The following TRIM5 variants were observed in gnomAD, a reference collection of about 807,000 sequenced individuals.
The protein encoded by TRIM5 is tripartite motif containing 5, also known as tripartite motif-containing protein 5.
Under a neutral mutation model 35.6 loss-of-function variants are expected in TRIM5, and 31 were observed. That is an observed-to-expected ratio of 0.87 (90% CI 0.65 to 1.18). The LOEUF (loss-of-function observed/expected upper bound fraction) is 1.18. Among genes scored for constraint, TRIM5 ranks in the 50% most tolerant of loss-of-function variants. The pLI, the probability that TRIM5 is intolerant of heterozygous loss-of-function variation, is 0.00. For missense variants in TRIM5, 609 were observed against 591.6 expected (o/e 1.03, Z -0.31); for synonymous variants, 243 against 215.6 (o/e 1.13, Z -1.11).
chr11:5,601,963 C>T, the TRIM5 span, among the ~76,000 whole-genome samples: 2 of 152,072 alleles, frequency 1.3e-5, no homozygotes, highest in African/African-American at 4.8e-5. Flanking sequence ...GGAAAGGTCA[C>T]AGATGATCAC....
At position 5,667,689 on chromosome 11, in the gene TRIM5, C is replaced by A. The variant is rs1436059792; in HGVS notation, c.767G>T (p.Arg256Met). 6.2e-7 allele frequency: 1 copy of A among 1,613,628 alleles called. No homozygotes were observed. Among genetic ancestry groups the A allele is most frequent in the Admixed American group, 1.7e-5 (1 of 59,928 alleles). Residue 256 changes from arginine to methionine, a missense_variant and splice_region_variant, in exon 5 of 8, where the codon AGG becomes ATG. Coordinates refer to ENST00000380034, the MANE Select transcript of TRIM5 (RefSeq NM_033034.3). ...LLQGVDGVIK[R>M]TENVTLKKPE... ...ACCATCTCTGTCCTCCCACACATAC[C>A]TTTTTATGACGCCATCCACACCCTA...
intron 3 of TRIM5, 97 bp downstream of exon 3, chr11:5,678,977 G>T: frequency 9.9e-7 from 1 of 1,010,488 alleles, no homozygotes; most frequent in Non-Finnish European, 1.5e-6. Context: ...ATGACTTCTG[G>T]ACTTATCAAA....
At chr11:5,650,308 G>A in the TRIM5 span, among the ~76,000 whole-genome samples, 12 of 152,128 alleles carry the variant, frequency 7.9e-5, no homozygotes, top group African/African-American at 1.7e-4. Flanking sequence ...TATAACATAC[G>A]TCTGGCTATT....
the TRIM5 span, among the ~76,000 whole-genome samples, chr11:5,651,016 G>C: frequency 3.5e-4 from 54 of 152,240 alleles, no homozygotes; most frequent in Middle Eastern, 3.4e-3. Context: ...TCTTATTCCA[G>C]CTTCCACTCA....
chr11:5,602,335 C>T, the TRIM5 span, among the ~76,000 whole-genome samples: 5 of 151,998 alleles, frequency 3.3e-5, no homozygotes, highest in East Asian at 1.9e-4. Context: ...CCCAGCTACT[C>T]GGGAGGCTGA....
chr11:5,639,295 C>A, the TRIM5 span, among the ~76,000 whole-genome samples: 2 of 152,056 alleles, frequency 1.3e-5, no homozygotes, highest in Non-Finnish European at 2.9e-5. Context: ...GGAAACCTGA[C>A]CTGCCACAGT....
At chr11:5,658,478 G>A (rs1850705187), downstream of TRIM5, among the ~76,000 whole-genome samples, 2 of 152,174 alleles carry the variant, frequency 1.3e-5, no homozygotes, top group Non-Finnish European at 2.9e-5. Flanking sequence ...AAAGCCCTCT[G>A]TCCTTGCAAT....
chr11:5,668,935 G>A (rs895964533), intron 4 of TRIM5, among the ~76,000 whole-genome samples: 1 of 151,990 alleles, frequency 6.6e-6, no homozygotes, highest in Non-Finnish European at 1.5e-5. Context: ...CAACAACTAA[G>A]AATTTTTATT....
chr11:5,602,429 C>A, the TRIM5 span, among the ~76,000 whole-genome samples: 3 of 150,488 alleles, frequency 2.0e-5, no homozygotes, highest in East Asian at 5.9e-4. Flanking sequence ...GGCGACAGAG[C>A]AAGACCCCCT....
chr11:5,642,485 A>G, the TRIM5 span: 1 of 1,614,022 alleles, frequency 6.2e-7, no homozygotes, highest in Non-Finnish European at 8.5e-7. Flanking sequence ...AGATCTGAGT[A>G]GGATGCTGCA....
At chr11:5,684,344 A>G (rs1231559401) in intron 1 of TRIM5, among the ~76,000 whole-genome samples, 1 of 152,166 alleles carries the variant, frequency 6.6e-6, no homozygotes, top group East Asian at 1.9e-4. Context: ...CTCCACTCCT[A>G]GCAAGAAATA....
chr11:5,633,814 A>C, the TRIM5 span: 1 of 1,613,900 alleles, frequency 6.2e-7, no homozygotes, highest in Non-Finnish European at 8.5e-7. Flanking sequence ...GAGAAACTCC[A>C]GGCAGTCCTC....
the TRIM5 span, chr11:5,611,119 A>G: frequency 1.2e-6 from 2 of 1,614,188 alleles, no homozygotes; most frequent in Admixed American, 1.7e-5. Context: ...TATAGGGCCT[A>G]TGAGGATTCT....
chr11:5,650,803 C>T, the TRIM5 span, among the ~76,000 whole-genome samples: 1 of 152,172 alleles, frequency 6.6e-6, no homozygotes, highest in Non-Finnish European at 1.5e-5. Flanking sequence ...TCAGTCTCCA[C>T]CAAGGCTCAA....
the TRIM5 span, chr11:5,611,032 C>T: frequency 8.4e-5 from 135 of 1,614,074 alleles, no homozygotes; most frequent in Non-Finnish European, 1.1e-4. Context: ...AACCATTTTG[C>T]TCAAAATCAC....
chr11:5,643,357 G>A, the TRIM5 span: 11 of 1,613,800 alleles, frequency 6.8e-6, no homozygotes, highest in African/African-American at 6.7e-5. Flanking sequence ...ACATATTCCC[G>A]CCATATGAAG....
At chr11:5,647,868 T>C in the TRIM5 span, among the ~76,000 whole-genome samples, 27 of 152,088 alleles carry the variant, frequency 1.8e-4, no homozygotes, top group Non-Finnish European at 4.0e-4. Context: ...GGTAATGCAA[T>C]GGTGATGTCA....
the TRIM5 span, chr11:5,590,674 G>C: frequency 2.0e-5 from 3 of 152,176 alleles, no homozygotes; most frequent in African/African-American, 7.2e-5. Flanking sequence ...GGCCAGATAA[G>C]AGAATAAAAG....
At chr11:5,611,063 G>C in the TRIM5 span, 3 of 1,614,172 alleles carry the variant, frequency 1.9e-6, no homozygotes, top group Non-Finnish European at 2.5e-6. Context: ...CCAGGTATCA[G>C]CCTCAGAGTG....
Sources: allele counts gnomAD v4.1 joint callset (sites outside exome capture counted in the v4.1 genomes callset), GRCh38; gene constraint gnomAD v4.1.1; transcripts MANE v1.5; gene names NCBI Gene and HGNC (gene_info 2026-07-23, HGNC 2026-07-21).